Variants in RALGAPA1 observed in about 807,000 individuals in gnomAD.
RALGAPA1 encodes the protein ral GTPase-activating protein subunit alpha-1.
In RALGAPA1, 52 loss-of-function variants were observed where a neutral mutation model predicts 269.6. The observed-to-expected ratio is 0.19, with a 90% CI of 0.15 to 0.24. The LOEUF (loss-of-function observed/expected upper bound fraction) is 0.24, where lower values mean the gene tolerates loss of function less well. Ranked by LOEUF, RALGAPA1 falls within the 10% of genes least tolerant of loss-of-function variation. The pLI, the probability that RALGAPA1 is intolerant of heterozygous loss-of-function variation, is 1.00. For missense variants in RALGAPA1, 1,917 were observed against 3,013.9 expected (o/e 0.64, Z 8.52); for synonymous variants, 817 against 1,008.3 (o/e 0.81, Z 3.60).
intron 36 of RALGAPA1, among the ~76,000 whole-genome samples, chr14:35,600,218 C>CTT (rs2059197135): frequency 9.6e-6 from 1 of 103,862 alleles, no homozygotes; most frequent in African/African-American, 4.6e-5. Context: ...CCTTTTTTTT[C>CTT]TTTTTCTTTT....
chr14:35,544,971 C>T (rs534024097), intron 41 of RALGAPA1, among the ~76,000 whole-genome samples: 36 of 152,022 alleles, frequency 2.4e-4, no homozygotes, highest in African/African-American at 7.5e-4. Flanking sequence ...TGCTTGAACC[C>T]GGGAGGTGGA....
At position 35,549,254 on chromosome 14, in the gene RALGAPA1, G is replaced by A; in HGVS notation, c.7497-20C>T. On this transcript the variant is annotated intron_variant, in intron 39 of 41. Transcript: ENST00000680220. ...TCATAGCTGATTTCCTTTGGTTAAG[G>A]ATAAACTTAAGTGCAGCTTATACTG... 6.2e-7 allele frequency: 1 copy of A among 1,607,640 alleles called. No individual in the cohort carries two copies. Among genetic ancestry groups the A allele is most frequent in the Non-Finnish European group, 8.5e-7 (1 of 1,176,158 alleles).
intron 18 of RALGAPA1, among the ~76,000 whole-genome samples, chr14:35,687,714 A>G (rs770125909): frequency 7.9e-5 from 12 of 152,234 alleles, no homozygotes; most frequent in Non-Finnish European, 1.8e-4. Flanking sequence ...ATCTGTCCAT[A>G]GAGGTTCCAT....
intron 35 of RALGAPA1, among the ~76,000 whole-genome samples, chr14:35,623,471 T>C (rs915693851): frequency 6.6e-6 from 1 of 151,712 alleles, no homozygotes; most frequent in Non-Finnish European, 1.5e-5. Flanking sequence ...CCTACAAATA[T>C]GTGGAAAATA....
chr14:35,566,066 G>A (rs2056672911), intron 39 of RALGAPA1, among the ~76,000 whole-genome samples: 1 of 151,976 alleles, frequency 6.6e-6, no homozygotes, highest in Non-Finnish European at 1.5e-5. Context: ...TTCCTCCACA[G>A]TGTTGCATTT....
chr14:35,571,553 T>C lies in RALGAPA1; in HGVS notation c.7369-809A>G, dbSNP rs546250127. On this transcript the variant is annotated intron_variant, in intron 38 of 41. Coordinates refer to ENST00000680220, the MANE Select transcript of RALGAPA1 (RefSeq NM_001346249.2). ...AGCTGGGCATGGCGGCAGGCACCTG[T>C]AGTACCAGCTACTCGGGAGGCTGAG... is the stretch of plus-strand genomic sequence containing the variant. Among the ~76,000 whole-genome samples, 344 of 152,128 alleles carry C rather than the reference T, an allele frequency of 2.3e-3. 2 individuals are homozygous for C. The highest frequency in any genetic ancestry group is 7.9e-3 in the African/African-American group (328 of 41,504).
intron 35 of RALGAPA1, among the ~76,000 whole-genome samples, chr14:35,621,994 C>A (rs769585722): frequency 6.6e-6 from 1 of 152,092 alleles, no homozygotes; most frequent in Non-Finnish European, 1.5e-5. Flanking sequence ...TACCATTTGA[C>A]CCAGCAATAC....
intron 30 of RALGAPA1, among the ~76,000 whole-genome samples, chr14:35,653,658 T>G (rs2062990089): frequency 6.6e-6 from 1 of 152,084 alleles, no homozygotes; most frequent in Non-Finnish European, 1.5e-5. Context: ...TTTTTTTTTT[T>G]GTGGGGGTAT....
chr14:35,644,152 T>G (rs547245303), intron 31 of RALGAPA1, among the ~76,000 whole-genome samples: 1 of 152,166 alleles, frequency 6.6e-6, no homozygotes, highest in African/African-American at 2.4e-5. Context: ...ATGCACTCCA[T>G]AAATATATAC....
rs369387251 is a variant in RALGAPA1 at position 35,671,470 on chromosome 14, T to C, written c.5121A>G (p.Ser1707=). ...IIKHCSPQFF[S]LGLPGATMLI... is the part of the protein sequence containing the mutation. ...GCATTGTGGCACCAGGCAAACCAAG[T>C]GAAAAAAATTGAGGTGAGCAGTGTT... Residue 1707 remains serine (S), a synonymous_variant, in exon 26 of 42, where the codon TCA becomes TCG. Coordinates refer to ENST00000680220, the MANE Select transcript of RALGAPA1 (RefSeq NM_001346249.2). 6.1e-5 allele frequency: 98 copies of C among 1,600,384 alleles called. No homozygotes were observed. Among genetic ancestry groups the C allele is most frequent in the Non-Finnish European group, 7.8e-5 (91 of 1,168,120 alleles).
At chr14:35,746,113 T>C (rs1462393674) in intron 10 of RALGAPA1, among the ~76,000 whole-genome samples, 1 of 152,126 alleles carries the variant, frequency 6.6e-6, no homozygotes, top group Admixed American at 6.6e-5. Context: ...TGCAACAACA[T>C]GGATTAATCC....
At chr14:35,550,380 C>CT (rs1323228631) in intron 39 of RALGAPA1, among the ~76,000 whole-genome samples, 12 of 152,038 alleles carry the variant, frequency 7.9e-5, no homozygotes, top group Admixed American at 2.6e-4. Flanking sequence ...ACTTGTTCTT[C>CT]TTTTTTTCCA....
chr14:35,750,504 T>C lies in RALGAPA1; in HGVS notation c.989A>G (p.Glu330Gly). 1 of 1,612,822 alleles carries C rather than the reference T, an allele frequency of 6.2e-7. No individual in the cohort carries two copies. Among genetic ancestry groups the C allele is most frequent in the Non-Finnish European group, 8.5e-7 (1 of 1,179,256 alleles). The change falls in exon 9 of 42, where the codon GAA becomes GGA. Residue 330 changes from glutamate to glycine, a missense_variant. By Grantham distance (98) the Glu-to-Gly change is moderately conservative. Transcript: ENST00000680220. ...TACCTGAATATTCTTTGGCAAGACT[T>C]CACCTTCCATCCCAGGAATATGAGG... ...TGPHIPGMEGEVLPKNIQRAA... is the reference protein window; with the variant it reads ...TGPHIPGMEGGVLPKNIQRAA...
intron 38 of RALGAPA1, 93 bp from the exon 39 acceptor site, chr14:35,570,837 T>C (rs1241444409): frequency 1.7e-6 from 2 of 1,182,730 alleles, no homozygotes; most frequent in Non-Finnish European, 2.3e-6. Context: ...AAAGTATTTC[T>C]GCTGCTTCTT....
At chr14:35,758,742 G>T (rs1190214449) in intron 6 of RALGAPA1, among the ~76,000 whole-genome samples, 1 of 151,958 alleles carries the variant, frequency 6.6e-6, no homozygotes, top group Non-Finnish European at 1.5e-5. Context: ...ATAGCTTTGA[G>T]ACCTTATCTC....
intron 39 of RALGAPA1, among the ~76,000 whole-genome samples, chr14:35,557,542 C>T (rs1369868161): frequency 6.6e-6 from 1 of 152,092 alleles, no homozygotes; most frequent in Non-Finnish European, 1.5e-5. Flanking sequence ...GCACTATATG[C>T]CCCCAGGGAA....
intron 16 of RALGAPA1, among the ~76,000 whole-genome samples, chr14:35,707,923 C>T (rs2067944972): frequency 6.6e-6 from 1 of 151,962 alleles, no homozygotes. Flanking sequence ...GACACACAGA[C>T]CAATAGAACA....
intron 31 of RALGAPA1, among the ~76,000 whole-genome samples, chr14:35,644,325 T>C (rs958017413): frequency 3.3e-5 from 5 of 152,192 alleles, no homozygotes; most frequent in East Asian, 1.9e-4. Context: ...ACGATATACA[T>C]GCATCTGTTC....
Position 35,748,569 on chromosome 14 carries a change from C to T in RALGAPA1, c.1251+16G>A, listed in dbSNP as rs1258237737. ...AAGCCTTCCTTATAAATTAAAAATACTGAGAGGTATGTTACCTGACGAAAT... is the reference window on the plus strand; with the variant it reads ...AAGCCTTCCTTATAAATTAAAAATATTGAGAGGTATGTTACCTGACGAAAT... On this transcript the variant is annotated intron_variant, in intron 10 of 41. Coordinates refer to ENST00000680220, the MANE Select transcript of RALGAPA1 (RefSeq NM_001346249.2). 2.5e-6 allele frequency: 4 copies of T among 1,586,064 alleles called. No homozygotes were observed. The Middle Eastern group carries it at 5.1e-4, about 201-fold the overall frequency.
Sources: allele counts gnomAD v4.1 joint callset (sites outside exome capture counted in the v4.1 genomes callset), GRCh38; gene constraint gnomAD v4.1.1; transcripts MANE v1.5; gene names NCBI Gene and HGNC (gene_info 2026-07-23, HGNC 2026-07-21).